The following OR1F1 variants were observed in gnomAD, a reference collection of about 807,000 sequenced individuals.
OR1F1 encodes the protein olfactory receptor family 1 subfamily F member 1.
For missense variants in OR1F1, 493 were observed against 376.3 expected, an observed-to-expected ratio of 1.31 and a Z score of -2.57; for synonymous variants, 184 against 156.7, an observed-to-expected ratio of 1.17 and a Z score of -1.30.
the OR1F1 span, among the ~76,000 whole-genome samples, chr16:3,191,521 A>G: frequency 6.6e-6 from 1 of 152,198 alleles, no homozygotes; most frequent in African/African-American, 2.4e-5. Flanking sequence ...CTCAGTCGGT[A>G]GAGCATGGGA....
the OR1F1 span, among the ~76,000 whole-genome samples, chr16:3,198,134 GGAGGGAGAGAGAGGGAGAGA>G: frequency 2.7e-5 from 3 of 112,108 alleles, no homozygotes; most frequent in Admixed American, 8.8e-5. Context: ...AGAGGGAGAA[GGAGGGAGAGAGAGGGAGAGA>G]GAGGGAGAGA....
At chr16:3,197,581 CCACA>C in the OR1F1 span, among the ~76,000 whole-genome samples, 7 of 15,532 alleles carry the variant, frequency 4.5e-4, no homozygotes, top group Middle Eastern at 0.083. Context: ...TTAAATGTGG[CCACA>C]TGTCAAGGGC....
At chr16:3,195,327 A>C in the OR1F1 span, among the ~76,000 whole-genome samples, 4 of 152,212 alleles carry the variant, frequency 2.6e-5, no homozygotes, top group African/African-American at 9.6e-5. Flanking sequence ...ACAAAACAAC[A>C]AACAAACCAA....
At chr16:3,189,215 C>A in the OR1F1 span, among the ~76,000 whole-genome samples, 1,531 of 152,310 alleles carry the variant, frequency 0.01, 25 homozygotes, top group African/African-American at 0.034. Context: ...ATTGAACACC[C>A]ATTGGTGCCA....
the OR1F1 span, among the ~76,000 whole-genome samples, chr16:3,196,174 G>A: frequency 6.6e-6 from 1 of 152,224 alleles, no homozygotes; most frequent in Non-Finnish European, 1.5e-5. Context: ...TCAGCCGGTA[G>A]AGCACAAGAC....
chr16:3,199,473 T>A (rs531233100), upstream of OR1F1, among the ~76,000 whole-genome samples: 1 of 152,106 alleles, frequency 6.6e-6, no homozygotes, highest in African/African-American at 2.4e-5. Flanking sequence ...GGCAACATAA[T>A]GAGACATCAT....
the OR1F1 span, among the ~76,000 whole-genome samples, chr16:3,190,166 G>A: frequency 3.3e-5 from 5 of 152,304 alleles, no homozygotes; most frequent in South Asian, 2.1e-4. Context: ...GGCTATGGGT[G>A]TTTGCGTCTG....
chr16:3,204,678 G>C (rs184814626), exon 1 of OR1F1: 1 of 1,614,160 alleles, frequency 6.2e-7, no homozygotes, highest in African/African-American at 1.3e-5. Flanking sequence ...GTGCCCTGCT[G>C]GTTGCTGGAT....
chr16:3,191,953 G>T, the OR1F1 span, among the ~76,000 whole-genome samples: 2 of 152,140 alleles, frequency 1.3e-5, no homozygotes, highest in Non-Finnish European at 2.9e-5. Context: ...AGTACTCCAC[G>T]GCTGCCACAA....
the OR1F1 span, among the ~76,000 whole-genome samples, chr16:3,199,152 A>AAAAAAAAC: frequency 7.1e-6 from 1 of 139,870 alleles, no homozygotes; most frequent in Non-Finnish European, 1.5e-5. Flanking sequence ...AAAAAAAAAA[A>AAAAAAAAC]ATTACCTGAA....
upstream of OR1F1, among the ~76,000 whole-genome samples, chr16:3,199,600 G>C (rs1271183695): frequency 6.6e-6 from 1 of 152,152 alleles, no homozygotes; most frequent in African/African-American, 2.4e-5. Flanking sequence ...CAAAGTGCTA[G>C]TGTTGACCAT....
rs764249432 is a variant in OR1F1 at position 3,204,544 on chromosome 16, C to T, written c.298C>T (p.Gln100Ter). The T allele has an allele frequency of 1.2e-5, 19 of 1,614,058 alleles. No homozygotes were observed. The highest frequency in any genetic ancestry group is 1.6e-5 in the Non-Finnish European group (19 of 1,180,048). The change falls in exon 1 of 1, where the codon CAG becomes TAG. Residue 100 changes from glutamine (Q) to a stop codon, truncating the protein, a stop_gained. Coordinates refer to ENST00000304646, the Ensembl canonical transcript of OR1F1. LOFTEE classifies it low-confidence loss of function (END_TRUNC). ...CATCTCCTTCTGTGGCTGTCTCACA[C>T]AGATGTATTTCGTTTTCATGTTCGT...
upstream of OR1F1, among the ~76,000 whole-genome samples, chr16:3,199,791 G>A (rs185326330): frequency 3.9e-5 from 6 of 152,194 alleles, no homozygotes; most frequent in South Asian, 2.1e-4. Context: ...CAAGGCGGGC[G>A]GATCGCCTGA....
exon 1 of OR1F1, chr16:3,205,071 T>C: frequency 6.2e-7 from 1 of 1,614,046 alleles, no homozygotes; most frequent in Non-Finnish European, 8.5e-7. Flanking sequence ...CTATGGCTAC[T>C]GTGTTGTATA....
At chr16:3,203,415 G>C (rs1316464940), upstream of OR1F1, among the ~76,000 whole-genome samples, 3 of 152,204 alleles carry the variant, frequency 2.0e-5, no homozygotes, top group African/African-American at 7.2e-5. Context: ...GTCTGAAAAA[G>C]GGAAGCCAAC....
chr16:3,188,488 T>A, the OR1F1 span: 1 of 152,212 alleles, frequency 6.6e-6, no homozygotes, highest in East Asian at 1.9e-4. Context: ...AGGTGAGCCC[T>A]CCTCCGCTTA....
At chr16:3,194,027 T>C in the OR1F1 span, among the ~76,000 whole-genome samples, 1 of 152,096 alleles carries the variant, frequency 6.6e-6, no homozygotes, top group Non-Finnish European at 1.5e-5. Context: ...GGGTAAGGTA[T>C]CACGCCTTTT....
At chr16:3,205,063 ATGGCTACTG>A (rs1419775816) in exon 1 of OR1F1, 1 of 1,613,720 alleles carries the variant, frequency 6.2e-7, no homozygotes, top group Non-Finnish European at 8.5e-7. Flanking sequence ...GAAAGACACT[ATGGCTACTG>A]TGTTGTATAC....
the OR1F1 span, among the ~76,000 whole-genome samples, chr16:3,193,299 G>A: frequency 6.6e-6 from 1 of 152,178 alleles, no homozygotes; most frequent in Non-Finnish European, 1.5e-5. Flanking sequence ...GGCTGTCAAG[G>A]GCCTCGCGTC....
Sources: gnomAD v4.1 joint callset for allele counts (sites outside exome capture counted in the v4.1 genomes callset) on GRCh38, gnomAD v4.1.1 for gene constraint, MANE v1.5 for transcripts, NCBI Gene and HGNC (gene_info 2026-07-23, HGNC 2026-07-21) for gene names.